Variants in TRPM3 observed in about 807,000 individuals in gnomAD.
The protein encoded by TRPM3 is long transient receptor potential channel 3.
Under a neutral mutation model 181.2 loss-of-function variants are expected in TRPM3, and 77 were observed. The observed-to-expected ratio is 0.42, with a 90% CI of 0.35 to 0.51. The LOEUF (loss-of-function observed/expected upper bound fraction) is 0.51, where lower values mean the gene tolerates loss of function less well. Ranked by LOEUF, TRPM3 falls within the 20% of genes least tolerant of loss-of-function variation. The pLI, the probability that TRPM3 is intolerant of heterozygous loss-of-function variation, is 0.01. For missense variants in TRPM3, 1,759 were observed against 2,196.7 expected, an observed-to-expected ratio of 0.80 and a Z score of 3.98; for synonymous variants, 745 against 796.4, an observed-to-expected ratio of 0.94 and a Z score of 1.09.
chr9:71,243,639 TAGA>T (rs1031290180), intron 1 of TRPM3, among the ~76,000 whole-genome samples: 2 of 152,194 alleles, frequency 1.3e-5, no homozygotes, highest in Non-Finnish European at 2.9e-5. Context: ...AACAAATGAA[TAGA>T]AGAATAAATT....
intron 1 of TRPM3, among the ~76,000 whole-genome samples, chr9:70,889,953 T>C (rs2096169102): frequency 6.7e-6 from 1 of 148,314 alleles, no homozygotes; most frequent in African/African-American, 2.4e-5. Context: ...ATACTATATA[T>C]AACATACTAT....
intron 5 of TRPM3, among the ~76,000 whole-genome samples, chr9:70,833,159 T>C (rs2094065441): frequency 6.6e-6 from 1 of 152,222 alleles, no homozygotes. Context: ...TGACCTTTAA[T>C]GTGTGTTGGC....
At position 70,532,429 on chromosome 9, in the gene TRPM3, T is replaced by C. The variant is rs547858670; in HGVS notation, c.*3524A>G. On this transcript the variant is annotated 3_prime_UTR_variant, in exon 26 of 26. Transcript: ENST00000677713. The stretch of plus-strand genomic sequence containing the variant: ...ATAATATCCTAGACCTGGAAACTTA[T>C]ACATTTAAAAAATCCAGTTCTGTAA... The C allele has an allele frequency of 3.9e-5, 6 of 152,326 alleles. No individual in the cohort carries two copies. The highest frequency in any genetic ancestry group is 9.6e-5 in the African/African-American group (4 of 41,586). 9.4% of individuals were successfully genotyped at this position (152,326 alleles called of 1,614,324 possible).
chr9:71,421,009 A>AAAGAGAGAGAAAAAG (rs1563912773), intron 1 of TRPM3, among the ~76,000 whole-genome samples: 70 of 126,704 alleles, frequency 5.5e-4, no homozygotes, highest in African/African-American at 1.9e-3. Context: ...AAGAGAGAAA[A>AAAGAGAGAGAAAAAG]AGAGAGAAAA....
chr9:70,801,785 T>C (rs2089157723), intron 6 of TRPM3, among the ~76,000 whole-genome samples: 1 of 151,590 alleles, frequency 6.6e-6, no homozygotes, highest in Non-Finnish European at 1.5e-5. Context: ...CTAATACCAT[T>C]ACTGTAGAAA....
chr9:71,209,993 G>A (rs1005711456), intron 1 of TRPM3, among the ~76,000 whole-genome samples: 5 of 152,154 alleles, frequency 3.3e-5, no homozygotes, highest in Non-Finnish European at 5.9e-5. Flanking sequence ...GGAATCCCAA[G>A]GGTACATTTC....
At chr9:71,353,398 A>C (rs2091749646) in intron 1 of TRPM3, among the ~76,000 whole-genome samples, 1 of 152,172 alleles carries the variant, frequency 6.6e-6, no homozygotes. Flanking sequence ...GGGTGAATGC[A>C]TAAAGGTAAG....
At chr9:71,391,948 G>A (rs2093071680) in intron 1 of TRPM3, among the ~76,000 whole-genome samples, 1 of 152,074 alleles carries the variant, frequency 6.6e-6, no homozygotes. Flanking sequence ...AGTATGATCA[G>A]AAGAGAAAGA....
At chr9:71,055,040 G>A (rs1278155919) in intron 1 of TRPM3, among the ~76,000 whole-genome samples, 1 of 152,078 alleles carries the variant, frequency 6.6e-6, no homozygotes, top group Non-Finnish European at 1.5e-5. Context: ...GAGTAGATTT[G>A]GAGATTCTGG....
At position 70,974,571 on chromosome 9, in the gene TRPM3, T is replaced by C. The variant is rs146955476; in HGVS notation, c.178-110060A>G. ...ACAAACAAACAAACAAACAAACAAA[T>C]ACAAAAAATTAGCTGGGCGTGGTGG... is the stretch of plus-strand genomic sequence containing the variant. On this transcript the variant is annotated intron_variant, in intron 1 of 25. Coordinates refer to ENST00000677713, the MANE Select transcript of TRPM3 (RefSeq NM_001366145.2). Among the ~76,000 whole-genome samples the C allele has an allele frequency of 4.7e-3, 645 of 137,698 alleles. 4 individuals are homozygous for C. The highest frequency in any genetic ancestry group is 0.016 in the African/African-American group (599 of 37,794). 90.3% of individuals were successfully genotyped at this position (137,698 alleles called of 152,430 possible). A position where few individuals can be genotyped will look rare whatever the true frequency, so the allele number is the denominator to read the frequency against.
intron 25 of TRPM3, among the ~76,000 whole-genome samples, chr9:70,538,424 C>T (rs2042355947): frequency 6.6e-6 from 1 of 150,902 alleles, no homozygotes; most frequent in Non-Finnish European, 1.5e-5. Context: ...AGCCACCATG[C>T]CCTGCCTTTT....
chr9:70,902,716 A>C (rs941067569), intron 1 of TRPM3, among the ~76,000 whole-genome samples: 7 of 152,214 alleles, frequency 4.6e-5, no homozygotes, highest in Non-Finnish European at 1.0e-4. Flanking sequence ...GGTACTGGGG[A>C]ACTCTGATGA....
At chr9:70,947,083 G>A (rs1044654061) in intron 1 of TRPM3, among the ~76,000 whole-genome samples, 3 of 152,152 alleles carry the variant, frequency 2.0e-5, no homozygotes, top group South Asian at 2.1e-4. Flanking sequence ...ATATACCTAT[G>A]AGTGAAATTT....
At chr9:70,675,069 T>C (rs2063734538) in intron 9 of TRPM3, among the ~76,000 whole-genome samples, 2 of 152,104 alleles carry the variant, frequency 1.3e-5, no homozygotes, top group Non-Finnish European at 2.9e-5. Context: ...TCTTTTTGCA[T>C]TTCAATTTCA....
At chr9:70,763,169 G>T (rs576288550) in intron 7 of TRPM3, among the ~76,000 whole-genome samples, 2 of 152,098 alleles carry the variant, frequency 1.3e-5, no homozygotes, top group South Asian at 4.2e-4. Context: ...GAAGGACTGG[G>T]TCACCCCTTC....
chr9:71,281,171 G>A (rs972970309), intron 1 of TRPM3, among the ~76,000 whole-genome samples: 98 of 152,216 alleles, frequency 6.4e-4, no homozygotes, highest in African/African-American at 2.2e-3. Flanking sequence ...GTCGGGAGGT[G>A]TGTCAAAGTG....
chr9:70,900,349 A>T (rs2096366809), intron 1 of TRPM3, among the ~76,000 whole-genome samples: 1 of 151,864 alleles, frequency 6.6e-6, no homozygotes, highest in African/African-American at 2.4e-5. Flanking sequence ...TCAAAAACAA[A>T]ACAAAACAAA....
intron 1 of TRPM3, among the ~76,000 whole-genome samples, chr9:70,927,047 GT>G (rs1224053795): frequency 6.6e-6 from 1 of 152,100 alleles, no homozygotes; most frequent in African/African-American, 2.4e-5. Flanking sequence ...CATTCCAGAA[GT>G]TTTCATGACT....
chr9:70,770,874 G>A (rs1193327289), intron 7 of TRPM3, among the ~76,000 whole-genome samples: 2 of 152,168 alleles, frequency 1.3e-5, no homozygotes, highest in Non-Finnish European at 2.9e-5. Context: ...CAGAGCTGAA[G>A]CAAGGTAACC....
Sources: allele counts gnomAD v4.1 joint callset (sites outside exome capture counted in the v4.1 genomes callset), GRCh38; gene constraint gnomAD v4.1.1; transcripts MANE v1.5; gene names NCBI Gene and HGNC (gene_info 2026-07-23, HGNC 2026-07-21).